The following GHITM variants were observed in gnomAD, a reference collection of about 807,000 sequenced individuals.
GHITM encodes the protein growth hormone-inducible transmembrane protein.
GHITM carries 24 observed loss-of-function variants against 38.7 expected under a neutral mutation model. The ratio of observed to expected loss-of-function variants is 0.62; its 90% CI spans 0.45 to 0.87. The LOEUF is 0.87. Ranked by LOEUF, GHITM falls within the 40% of genes least tolerant of loss-of-function variation. The pLI is 0.00. For synonymous variants in GHITM, 154 were observed against 147.8 expected (o/e 1.04, Z -0.30); for missense variants, 420 against 429.8 (o/e 0.98, Z 0.20).
At chr10:84,140,343 C>G (rs570883982) in intron 1 of GHITM, 1 of 152,280 alleles carries the variant, frequency 6.6e-6, no homozygotes, top group Admixed American at 6.5e-5. Flanking sequence ...GGAGGACGCT[C>G]GGGTATCTTA....
rs200725515 is a variant in GHITM, at chr10:84,142,686, G to A, written c.161G>A (p.Arg54Gln). 1.2e-5 allele frequency: 19 copies of A among 1,612,578 alleles called. No homozygotes were observed. In the Admixed American group the frequency reaches 1.8e-4, roughly 16 times the overall value. The stretch of plus-strand genomic sequence containing the variant: ...GCCACCAAAACAAGAATTGGGATCC[G>A]GCGTGGGAGAACTGGCCAAGAACTC... ...EYATKTRIGI[R>Q]RGRTGQELKE... Residue 54 changes from arginine (R) to glutamine (Q), a missense_variant, in exon 3 of 9, where the codon CGG becomes CAG. Coordinates refer to ENST00000372134, the MANE Select transcript of GHITM (RefSeq NM_014394.3).
At chr10:84,146,906 C>A (rs1841561908) in intron 5 of GHITM, among the ~76,000 whole-genome samples, 1 of 152,136 alleles carries the variant, frequency 6.6e-6, no homozygotes, top group Non-Finnish European at 1.5e-5. Flanking sequence ...CAGATAATGT[C>A]AAAGTTTGTC....
At chr10:84,150,652 C>T (rs920805419) in intron 7 of GHITM, 57 bp from the exon 8 acceptor site, 9 of 1,357,682 alleles carry the variant, frequency 6.6e-6, no homozygotes, top group Non-Finnish European at 8.1e-6. Flanking sequence ...AAATCATAAA[C>T]TCAGTTATCG....
chr10:84,152,390 G>A lies in GHITM; in HGVS notation c.*42G>A. 1 of 1,079,108 alleles carries A rather than the reference G, an allele frequency of 9.3e-7. No individual in the cohort carries two copies. Among genetic ancestry groups the A allele is most frequent in the Non-Finnish European group, 1.4e-6 (1 of 702,276 alleles). 66.8% of individuals were successfully genotyped at this position (1,079,108 alleles called of 1,614,324 possible). ...GCTTCTCTGCTACATCAAATATCTT[G>A]TTTAATGGGGCAGATATGCATTAAA... is the stretch of plus-strand genomic sequence containing the variant. On this transcript the variant is annotated 3_prime_UTR_variant, in exon 9 of 9. Transcript: ENST00000372134.
intron 3 of GHITM, 23 bp from the exon 4 acceptor site, chr10:84,143,972 G>C (rs1282834844): frequency 6.8e-7 from 1 of 1,475,842 alleles, no homozygotes; most frequent in Non-Finnish European, 9.5e-7. Flanking sequence ...GTACTAACCT[G>C]CATTTCCTTC....
In GHITM at chr10:84,144,871, A is replaced by C; in HGVS notation, c.342-4A>C. On this transcript the variant is annotated splice_polypyrimidine_tract_variant and splice_region_variant and intron_variant, in intron 4 of 8. Coordinates refer to ENST00000372134, the MANE Select transcript of GHITM (RefSeq NM_014394.3). ...ATAGATTAATCATGTCATGTTTCTT[A>C]CAGAATTTGGCCTCAGTATGTCAAG... is the stretch of plus-strand genomic sequence containing the variant. 1 of 1,562,630 alleles carries C rather than the reference A, an allele frequency of 6.4e-7. No homozygotes were observed. The highest frequency in any genetic ancestry group is 8.7e-7 in the Non-Finnish European group (1 of 1,147,020).
At chr10:84,148,645 A>G (rs1564643002) in intron 5 of GHITM, 85 bp from the exon 6 acceptor site, 3 of 787,416 alleles carry the variant, frequency 3.8e-6, no homozygotes, top group East Asian at 5.3e-5. Flanking sequence ...GTTTATTAGA[A>G]GTAACTAATT....
intron 3 of GHITM, 31 bp downstream of exon 3, chr10:84,142,785 A>G (rs1413028754): frequency 8.5e-7 from 1 of 1,174,698 alleles, no homozygotes; most frequent in Non-Finnish European, 1.3e-6. Context: ...TTTAACCTAG[A>G]ATCTATGGAT....
At chr10:84,148,364 C>T (rs1841578152) in intron 5 of GHITM, among the ~76,000 whole-genome samples, 1 of 152,064 alleles carries the variant, frequency 6.6e-6, no homozygotes, top group African/African-American at 2.4e-5. Context: ...ACGATCTTGC[C>T]TCATTGCAAC....
At chr10:84,147,218 G>A (rs567914043) in intron 5 of GHITM, among the ~76,000 whole-genome samples, 15 of 152,142 alleles carry the variant, frequency 9.9e-5, no homozygotes, top group African/African-American at 1.7e-4. Context: ...ATTATTTCTC[G>A]TTAGAAAATG....
At chr10:84,145,741 A>G (rs565541825) in intron 5 of GHITM, among the ~76,000 whole-genome samples, 9 of 152,302 alleles carry the variant, frequency 5.9e-5, no homozygotes, top group East Asian at 3.9e-4. Flanking sequence ...TTCTCCTGCT[A>G]TTTGGTAGAA....
intron 8 of GHITM, 122 bp from the exon 9 acceptor site, chr10:84,152,142 T>C (rs903759428): frequency 1.7e-6 from 1 of 572,702 alleles, no homozygotes; most frequent in African/African-American, 1.9e-5. Flanking sequence ...GTTAAACATC[T>C]TATTTTTAAT....
chr10:84,150,685 C>A (rs764265175), intron 7 of GHITM, 24 bp from the exon 8 acceptor site: 2 of 1,556,562 alleles, frequency 1.3e-6, no homozygotes, highest in Non-Finnish European at 1.7e-6. Flanking sequence ...TAAAAAAAAT[C>A]TTGTTTTCGC....
chr10:84,151,114 C>G (rs1197086484), intron 8 of GHITM, among the ~76,000 whole-genome samples: 1 of 152,152 alleles, frequency 6.6e-6, no homozygotes, highest in Admixed American at 6.5e-5. Context: ...AAAATCTGTT[C>G]CCTGCCTCTC....
intron 6 of GHITM, 76 bp from the exon 7 acceptor site, chr10:84,149,979 G>C (rs1317533135): frequency 3.5e-6 from 4 of 1,147,524 alleles, no homozygotes; most frequent in African/African-American, 1.6e-5. Flanking sequence ...ATAATATAAA[G>C]TGGCATGTTA....
intron 1 of GHITM, among the ~76,000 whole-genome samples, 174 bp from the exon 2 acceptor site, chr10:84,141,286 AGT>A (rs1191649288): frequency 6.6e-6 from 1 of 152,220 alleles, no homozygotes; most frequent in African/African-American, 2.4e-5. Flanking sequence ...CTTGCATTAC[AGT>A]GGATGGTTGG....
intron 5 of GHITM, among the ~76,000 whole-genome samples, chr10:84,147,299 T>C (rs1841566065): frequency 6.6e-6 from 1 of 152,246 alleles, no homozygotes; most frequent in African/African-American, 2.4e-5. Context: ...GATCTCTATG[T>C]TTGCCTAGGC....
chr10:84,143,618 G>A (rs995099408), intron 3 of GHITM, among the ~76,000 whole-genome samples: 2 of 152,130 alleles, frequency 1.3e-5, no homozygotes, highest in Admixed American at 6.5e-5. Context: ...AGTATGGTAT[G>A]ACTGTTAACA....
chr10:84,148,528 T>A (rs1841579842), intron 5 of GHITM, among the ~76,000 whole-genome samples: 2 of 152,184 alleles, frequency 1.3e-5, no homozygotes, highest in African/African-American at 4.8e-5. Context: ...ACTTCTGACC[T>A]CAGGTGATCC....
Sources: gnomAD v4.1 joint callset for allele counts (sites outside exome capture counted in the v4.1 genomes callset) on GRCh38, gnomAD v4.1.1 for gene constraint, MANE v1.5 for transcripts, NCBI Gene and HGNC (gene_info 2026-07-23, HGNC 2026-07-21) for gene names.